The following ST18 variants were observed in gnomAD, a reference collection of about 807,000 sequenced individuals.
The protein encoded by ST18 is ST18 C2H2C-type zinc finger transcription factor.
ST18 carries 50 observed loss-of-function variants against 110.0 expected under a neutral mutation model. The observed-to-expected ratio is 0.45, with a 90% CI of 0.36 to 0.58. The LOEUF (loss-of-function observed/expected upper bound fraction) is 0.58. Among genes scored for constraint, ST18 ranks in the 20% least tolerant of loss-of-function variants. ST18 has a pLI of 0.00. For synonymous variants in ST18, 461 were observed against 452.4 expected, an observed-to-expected ratio of 1.02 and a Z score of -0.24; for missense variants, 1,306 against 1,280.1, an observed-to-expected ratio of 1.02 and a Z score of -0.31.
chr8:52,335,676 G>C (rs1403593092), intron 2 of ST18, among the ~76,000 whole-genome samples: 1 of 152,168 alleles, frequency 6.6e-6, no homozygotes, highest in Non-Finnish European at 1.5e-5. Flanking sequence ...CACTCAAAAA[G>C]TTTTGGATTT....
At position 52,113,212 on chromosome 8, in the gene ST18, C is replaced by G. The variant is rs1469227769; in HGVS notation, c.3130G>C (p.Gly1044Arg). ...GCGCTGTGATCCTACACATGGATAC[C>G]CTTCACTGCCTGTTTGATACTTTCC... ...LLESIKQAVKGIHV is the reference protein window; with the variant it reads ...LLESIKQAVKRIHV Residue 1044 changes from glycine (G) to arginine (R), a missense_variant, in exon 26 of 26, where the codon GGT (glycine) becomes CGT (arginine). Physicochemically the swap from Gly to Arg is moderately radical, Grantham distance 125. Coordinates refer to ENST00000689386, the MANE Select transcript of ST18 (RefSeq NM_001352837.2). 1.2e-6 allele frequency: 2 copies of G among 1,613,814 alleles called. No individual in the cohort carries two copies. The highest frequency in any genetic ancestry group is 2.2e-5 in the East Asian group (1 of 44,894).
chr8:52,204,443 T>C (rs2079166765), intron 8 of ST18, among the ~76,000 whole-genome samples: 1 of 152,172 alleles, frequency 6.6e-6, no homozygotes, highest in African/African-American at 2.4e-5. Flanking sequence ...AGGCTGCGTT[T>C]CTAGTAAGCC....
chr8:52,172,899 G>GTATTTGCTAAGTATTGTT (rs1250605818), intron 9 of ST18, among the ~76,000 whole-genome samples: 2 of 152,144 alleles, frequency 1.3e-5, no homozygotes, highest in African/African-American at 4.8e-5. Context: ...ACCAAGACAA[G>GTATTTGCTAAGTATTGTT]AAGTAGATAC....
At chr8:52,351,828 A>G (rs1451303585) in intron 2 of ST18, among the ~76,000 whole-genome samples, 1 of 152,202 alleles carries the variant, frequency 6.6e-6, no homozygotes, top group East Asian at 1.9e-4. Flanking sequence ...ACAACAATGA[A>G]CAATCAGTTA....
chr8:52,238,531 G>T (rs557773979), intron 2 of ST18, among the ~76,000 whole-genome samples: 2 of 152,096 alleles, frequency 1.3e-5, no homozygotes, highest in Non-Finnish European at 2.9e-5. Context: ...AAAGATACCT[G>T]CACATGTATG....
chr8:52,219,878 G>A lies in ST18; in HGVS notation c.-157+863C>T, dbSNP rs577569774. Among the ~76,000 whole-genome samples the A allele has an allele frequency of 9.2e-5, 14 of 152,310 alleles. 1 individual carries two copies. The South Asian group carries it at 2.9e-3, about 32-fold the overall frequency. ...TCTGATTTCTGAGTTGTCACTGCTG[G>A]TGTAGACTTCATCCTGCAACTTTGT... On this transcript the variant is annotated intron_variant, in intron 5 of 25. Transcript: ENST00000689386.
intron 2 of ST18, among the ~76,000 whole-genome samples, chr8:52,244,398 A>T (rs1177351330): frequency 6.6e-6 from 1 of 152,166 alleles, no homozygotes; most frequent in Non-Finnish European, 1.5e-5. Flanking sequence ...TGTGAAAACC[A>T]ATGTAAGCAA....
At chr8:52,288,349 T>C (rs561777965) in intron 2 of ST18, among the ~76,000 whole-genome samples, 1 of 152,260 alleles carries the variant, frequency 6.6e-6, no homozygotes, top group South Asian at 2.1e-4. Flanking sequence ...GAAAGTGTAA[T>C]GAGAAAATGC....
intron 2 of ST18, among the ~76,000 whole-genome samples, chr8:52,238,673 C>T (rs1018020927): frequency 1.3e-5 from 2 of 151,972 alleles, no homozygotes; most frequent in African/African-American, 2.4e-5. Context: ...TGGAATACTA[C>T]TCAACCATAG....
At chr8:52,229,001 G>A (rs2090460349) in intron 3 of ST18, among the ~76,000 whole-genome samples, 1 of 152,162 alleles carries the variant, frequency 6.6e-6, no homozygotes, top group African/African-American at 2.4e-5. Context: ...TGATGAAGAA[G>A]GGGTGTCACA....
intron 8 of ST18, among the ~76,000 whole-genome samples, chr8:52,199,791 G>A: frequency 6.6e-6 from 1 of 152,148 alleles, no homozygotes; most frequent in East Asian, 1.9e-4. Context: ...CCCATAGCAA[G>A]CCAAGAACCA....
intron 22 of ST18, among the ~76,000 whole-genome samples, chr8:52,131,757 T>C (rs547479171): frequency 1.3e-5 from 2 of 152,276 alleles, no homozygotes; most frequent in Admixed American, 6.5e-5. Flanking sequence ...GAAAACTGTG[T>C]AGTAATTTTA....
chr8:52,314,452 A>T (rs1564474590), intron 2 of ST18, among the ~76,000 whole-genome samples: 1 of 152,142 alleles, frequency 6.6e-6, no homozygotes, highest in Non-Finnish European at 1.5e-5. Context: ...TGAAGACATT[A>T]CTGTACCTGT....
At chr8:52,335,474 T>C (rs1811597539) in intron 2 of ST18, among the ~76,000 whole-genome samples, 1 of 152,226 alleles carries the variant, frequency 6.6e-6, no homozygotes, top group African/African-American at 2.4e-5. Flanking sequence ...TTGGAATATT[T>C]TGCATATACA....
In ST18 at chr8:52,383,276, C is replaced by A. The variant is rs1421768493; in HGVS notation, c.-465+26052G>T. On this transcript the variant is annotated intron_variant, in intron 2 of 25. Coordinates refer to ENST00000689386, the MANE Select transcript of ST18 (RefSeq NM_001352837.2). Reference sequence around the variant, plus strand: ...AAGAAGGAGAACAAATTCTATCATTCTAAACTGTTTTCCTTGCTCTTTCTC... The same window carrying A: ...AAGAAGGAGAACAAATTCTATCATTATAAACTGTTTTCCTTGCTCTTTCTC... Among the ~76,000 whole-genome samples, 3 of 152,158 alleles carry A rather than the reference C, an allele frequency of 2.0e-5. No homozygotes were observed. The East Asian group carries it at 5.8e-4, about 29-fold the overall frequency.
chr8:52,197,893 A>ACAC (rs1468242681), intron 8 of ST18, among the ~76,000 whole-genome samples: 2 of 151,250 alleles, frequency 1.3e-5, no homozygotes, highest in Non-Finnish European at 3.0e-5. Flanking sequence ...AAATGAGCAC[A>ACAC]CACACACACA....
At chr8:52,396,982 C>T (rs559057769) in intron 2 of ST18, among the ~76,000 whole-genome samples, 1 of 152,270 alleles carries the variant, frequency 6.6e-6, no homozygotes, top group Admixed American at 6.5e-5. Context: ...AAGTTCATCT[C>T]CTTTGGGTAT....
At chr8:52,207,307 T>C (rs2080447737) in intron 8 of ST18, among the ~76,000 whole-genome samples, 1 of 152,074 alleles carries the variant, frequency 6.6e-6, no homozygotes, top group Admixed American at 6.5e-5. Flanking sequence ...CAGAGCAACA[T>C]AGTGAGAACC....
At chr8:52,170,376 T>C (rs986668767) in intron 10 of ST18, among the ~76,000 whole-genome samples, 46 of 151,778 alleles carry the variant, frequency 3.0e-4, no homozygotes, top group African/African-American at 1.1e-3. Context: ...GAATGGAACC[T>C]GGGAGGCAGA....
Sources: gnomAD v4.1 joint callset for allele counts (sites outside exome capture counted in the v4.1 genomes callset) on GRCh38, gnomAD v4.1.1 for gene constraint, MANE v1.5 for transcripts, NCBI Gene and HGNC (gene_info 2026-07-23, HGNC 2026-07-21) for gene names.